Variants in MTFMT observed in about 807,000 individuals in gnomAD.
MTFMT encodes the protein mitochondrial methionyl-tRNA formyltransferase.
MTFMT carries 47 observed loss-of-function variants against 51.8 expected under a neutral mutation model. That is an observed-to-expected ratio of 0.91 (90% confidence interval 0.72 to 1.16). MTFMT has a LOEUF of 1.16. MTFMT is among the 50% of genes most tolerant of loss of function. The probability of loss-of-function intolerance (pLI) is 0.00; values close to 1 mark genes in which losing one functional copy is unlikely to be tolerated. For synonymous variants in MTFMT, 196 were observed against 176.7 expected (o/e 1.11, Z -0.87); for missense variants, 512 against 482.3 (o/e 1.06, Z -0.58).
intron 5 of MTFMT, among the ~76,000 whole-genome samples, chr15:65,019,488 T>A (rs555567933): frequency 6.6e-6 from 1 of 151,964 alleles, no homozygotes; most frequent in Non-Finnish European, 1.5e-5. Flanking sequence ...ACACACTCTT[T>A]CCAAAAACTT....
chr15:65,001,586 G>A lies in MTFMT; in HGVS notation c.*1476C>T, dbSNP rs2086176869. The A allele has an allele frequency of 6.6e-6, 1 of 152,306 alleles. No homozygotes were observed. The highest frequency in any genetic ancestry group is 1.5e-5 in the Non-Finnish European group (1 of 68,126). 9.4% of individuals were successfully genotyped at this position (152,306 alleles called of 1,614,324 possible). A position where few individuals can be genotyped will look rare whatever the true frequency, so the allele number is the denominator to read the frequency against. On this transcript the variant is annotated 3_prime_UTR_variant, in exon 9 of 9. Coordinates refer to ENST00000220058, the MANE Select transcript of MTFMT (RefSeq NM_139242.4). ...CCTACTTCAAGAAAACCTGGGCCGG[G>A]TGCAGTGGTTCATGCTTGTAATCCC...
At chr15:65,027,989 A>G (rs2086441589) in intron 1 of MTFMT, among the ~76,000 whole-genome samples, 2 of 152,214 alleles carry the variant, frequency 1.3e-5, no homozygotes, top group South Asian at 4.1e-4. Context: ...CCTGCTGCAT[A>G]GCATTCTAGT....
intron 6 of MTFMT, chr15:65,016,052 T>G (rs2086319035): frequency 6.5e-6 from 1 of 153,466 alleles, no homozygotes; most frequent in Non-Finnish European, 1.5e-5. Context: ...AAAAATTGGC[T>G]AAAGGCAGAA....
In MTFMT at chr15:65,023,922, TAA is replaced by T. The variant is rs2086397660; in HGVS notation, c.420-130_420-129del. 4.0e-6 allele frequency: 3 copies of T among 758,112 alleles called. No homozygotes were observed. In the South Asian group the frequency reaches 7.2e-5, roughly 18 times the overall value. 47.0% of individuals were successfully genotyped at this position (758,112 alleles called of 1,614,324 possible). A position where few individuals can be genotyped will look rare whatever the true frequency, so the allele number is the denominator to read the frequency against. On this transcript the variant is annotated intron_variant, in intron 2 of 8. Transcript: ENST00000220058. Reference sequence around the variant, plus strand: ...ATTTGGAAAAACTGACAGTTAAATCTAAGTCTCGTATCACCTGAAAGGAAAAA... The same window carrying T: ...ATTTGGAAAAACTGACAGTTAAATCTGTCTCGTATCACCTGAAAGGAAAAA...
At chr15:65,021,673 T>C in intron 3 of MTFMT, 57 bp from the exon 4 acceptor site, 2 of 1,328,294 alleles carry the variant, frequency 1.5e-6, no homozygotes, top group Admixed American at 1.8e-5. Context: ...GAATCAATGT[T>C]TGTCTACACA....
chr15:65,016,795 T>G (rs1487775258), intron 5 of MTFMT, among the ~76,000 whole-genome samples: 5 of 151,816 alleles, frequency 3.3e-5, no homozygotes, highest in Admixed American at 2.0e-4. Context: ...TTTTTTTTTT[T>G]TTTGAGATAG....
At chr15:65,005,989 T>C (rs2086216827) in intron 7 of MTFMT, 124 bp downstream of exon 7, 3 of 601,262 alleles carry the variant, frequency 5.0e-6, no homozygotes, top group South Asian at 4.0e-5. Context: ...TAAAGTATTA[T>C]AATTACTGAA....
Position 65,021,400 on chromosome 15 carries a change from T to A in MTFMT, c.645+114A>T, listed in dbSNP as rs528528063. 32 of 729,096 alleles carry A rather than the reference T, an allele frequency of 4.4e-5. No homozygotes were observed. In the African/African-American group the frequency reaches 4.6e-4, roughly 10 times the overall value. 45.2% of individuals were successfully genotyped at this position (729,096 alleles called of 1,614,324 possible). A position where few individuals can be genotyped will look rare whatever the true frequency, so the allele number is the denominator to read the frequency against. On this transcript the variant is annotated intron_variant, in intron 4 of 8. Transcript: ENST00000220058. The stretch of plus-strand genomic sequence containing the variant: ...ATTTTTAGGAAGCCAAAGATAGAAA[T>A]TACTCTTTTTTGTTTTTAAGAAAAT...
chr15:65,028,218 G>A (rs932349903), intron 1 of MTFMT, among the ~76,000 whole-genome samples: 1 of 152,134 alleles, frequency 6.6e-6, no homozygotes, highest in Non-Finnish European at 1.5e-5. Context: ...CCAGGAGTTT[G>A]AGATAAGCCT....
At chr15:65,021,706 A>G in intron 3 of MTFMT, 90 bp from the exon 4 acceptor site, 1 of 1,030,990 alleles carries the variant, frequency 9.7e-7, no homozygotes. Context: ...AGCTGGGTAC[A>G]GTGGTCTGCA....
intron 2 of MTFMT, among the ~76,000 whole-genome samples, chr15:65,024,054 T>C (rs2086398946): frequency 6.6e-6 from 1 of 152,210 alleles, no homozygotes; most frequent in African/African-American, 2.4e-5. Flanking sequence ...TGTCTGGGTG[T>C]GGTGGCTCAT....
In MTFMT at chr15:65,029,292, G is replaced by A. The variant is rs923180951; in HGVS notation, c.209+113C>T. 7 of 1,325,478 alleles carry A rather than the reference G, an allele frequency of 5.3e-6. No individual in the cohort carries two copies. The African/African-American group carries it at 6.2e-5, about 12-fold the overall frequency. The allele number at this position is 1,325,478 out of a possible 1,614,324, so 82.1% of individuals were successfully genotyped here. ...AGACGCCGAGATCTGGGCCCACACC[G>A]CTCTGCCGCCCATGCTTTCCGCAAC... On this transcript the variant is annotated intron_variant, in intron 1 of 8. Coordinates refer to ENST00000220058, the MANE Select transcript of MTFMT (RefSeq NM_139242.4).
chr15:65,014,934 AT>A (rs57853235), intron 6 of MTFMT, among the ~76,000 whole-genome samples: 1,823 of 124,506 alleles, frequency 0.015, 46 homozygotes, highest in South Asian at 0.13. Context: ...GCCTGGCCTG[AT>A]TTTTTTTTTT....
chr15:65,003,290 G>A, intron 8 of MTFMT, 34 bp from the exon 9 acceptor site: 1 of 1,549,634 alleles, frequency 6.5e-7, no homozygotes, highest in Non-Finnish European at 8.8e-7. Flanking sequence ...GAATAGGCAG[G>A]GGTGGCAAAA....
At chr15:65,004,741 T>C in intron 8 of MTFMT, 113 bp downstream of exon 8, 2 of 577,214 alleles carry the variant, frequency 3.5e-6, no homozygotes, top group South Asian at 3.4e-5. Context: ...AATGATCTCC[T>C]GACCCAATCT....
chr15:65,029,617 C>A lies in MTFMT; in HGVS notation c.-4G>T. On this transcript the variant is annotated 5_prime_UTR_variant, in exon 1 of 9. It adds an upstream start codon to the 5' untranslated region. Coordinates refer to ENST00000220058, the MANE Select transcript of MTFMT (RefSeq NM_139242.4). ...AGCGCCGCACCAACACCCTCATCGCCTCGGCCGCCGGCGGCCGGCCCTGCG... is the reference window on the plus strand; with the variant it reads ...AGCGCCGCACCAACACCCTCATCGCATCGGCCGCCGGCGGCCGGCCCTGCG... 1 of 1,389,028 alleles carries A rather than the reference C, an allele frequency of 7.2e-7. No individual in the cohort carries two copies. Among genetic ancestry groups the A allele is most frequent in the East Asian group, 3.1e-5 (1 of 32,402 alleles). 86.0% of individuals were successfully genotyped at this position (1,389,028 alleles called of 1,614,324 possible).
chr15:65,024,625 C>G (rs2086406010), intron 2 of MTFMT, among the ~76,000 whole-genome samples: 1 of 151,806 alleles, frequency 6.6e-6, no homozygotes, highest in Non-Finnish European at 1.5e-5. Flanking sequence ...ATCCAACATT[C>G]ACTGAGCGCA....
chr15:65,008,679 A>C (rs751769686), intron 6 of MTFMT, among the ~76,000 whole-genome samples: 2 of 152,262 alleles, frequency 1.3e-5, no homozygotes, highest in Non-Finnish European at 2.9e-5. Context: ...AAATCAAATA[A>C]GTAAATGAAT....
chr15:65,012,846 C>G (rs2086282469), intron 6 of MTFMT, among the ~76,000 whole-genome samples: 2 of 152,200 alleles, frequency 1.3e-5, no homozygotes, highest in East Asian at 1.9e-4. Context: ...CCTTGCAATT[C>G]TGTATACATT....
Sources: gnomAD v4.1 joint callset for allele counts (sites outside exome capture counted in the v4.1 genomes callset) on GRCh38, gnomAD v4.1.1 for gene constraint, MANE v1.5 for transcripts, NCBI Gene and HGNC (gene_info 2026-07-23, HGNC 2026-07-21) for gene names.